The following PAQR7 variants were observed in gnomAD, a reference collection of about 807,000 sequenced individuals.
The protein encoded by PAQR7 is membrane progestin receptor alpha.
A neutral mutation model predicts 24.6 loss-of-function variants in PAQR7; 14 were observed. The ratio of observed to expected loss-of-function variants is 0.57; its 90% CI spans 0.38 to 0.89. PAQR7 has a LOEUF of 0.89. Among genes scored for constraint, PAQR7 ranks in the 40% least tolerant of loss-of-function variants. The pLI, the probability that PAQR7 is intolerant of heterozygous loss-of-function variation, is 0.00. For missense variants in PAQR7, 351 were observed against 444.0 expected (o/e 0.79, Z 1.88); for synonymous variants, 189 against 198.8 (o/e 0.95, Z 0.42).
chr1:25,863,927 G>A lies in PAQR7; in HGVS notation c.-22-66C>T. The A allele has an allele frequency of 4.6e-6, 6 of 1,293,918 alleles. No homozygotes were observed. Among genetic ancestry groups the A allele is most frequent in the Non-Finnish European group, 5.3e-6 (5 of 948,240 alleles). The allele number at this position is 1,293,918 out of a possible 1,614,324, so 80.2% of individuals were successfully genotyped here. ...TCACCCCCACGAGCAGCAGCTGGGG[G>A]GCTCTGATGCCCAAATCCTACTCCC... On this transcript the variant is annotated intron_variant, in intron 2 of 2. Transcript: ENST00000675840. This position sits in a 1 kb window ranked among gnomAD's most constrained non-coding sequence, Gnocchi z 6.1.
Position 25,862,758 on chromosome 1 carries a change from C to A in PAQR7, c.*41G>T. 8 of 1,570,296 alleles carry A rather than the reference C, an allele frequency of 5.1e-6. No individual in the cohort carries two copies. Among genetic ancestry groups the A allele is most frequent in the Non-Finnish European group, 6.9e-6 (8 of 1,152,348 alleles). ...CCTGGAGCCAAACCCAGACCCCTGT[C>A]CCCCAACTATACCTCCCTCCCTACC... On this transcript the variant is annotated 3_prime_UTR_variant, in exon 3 of 3. Coordinates refer to ENST00000675840, the MANE Select transcript of PAQR7 (RefSeq NM_178422.6).
Position 25,862,770 on chromosome 1 carries a change from C to T in PAQR7, c.*29G>A. The T allele has an allele frequency of 2.5e-6, 4 of 1,591,342 alleles. No individual in the cohort carries two copies. Among genetic ancestry groups the T allele is most frequent in the Non-Finnish European group, 3.4e-6 (4 of 1,165,850 alleles). On this transcript the variant is annotated 3_prime_UTR_variant, in exon 3 of 3. Transcript: ENST00000675840. ...CCCAGACCCCTGTCCCCCAACTATACCTCCCTCCCTACCAGATGCCATCCC... is the reference window on the plus strand; with the variant it reads ...CCCAGACCCCTGTCCCCCAACTATATCTCCCTCCCTACCAGATGCCATCCC...
At position 25,870,168 on chromosome 1, in the gene PAQR7, A is replaced by G. The variant is rs1009496388; in HGVS notation, c.-23+441T>C. Among the ~76,000 whole-genome samples the G allele has an allele frequency of 2.6e-5, 4 of 152,176 alleles. No individual in the cohort carries two copies. The East Asian group carries it at 5.8e-4, about 22-fold the overall frequency. On this transcript the variant is annotated intron_variant, in intron 2 of 2. Coordinates refer to ENST00000675840, the MANE Select transcript of PAQR7 (RefSeq NM_178422.6). ...GAGGGCACCATCAGGGCATCCTCTG[A>G]GTGGTCAGCCTCTGAGTCGTGTGCC...
At chr1:25,868,426 G>C (rs1472115896) in intron 2 of PAQR7, among the ~76,000 whole-genome samples, 1 of 152,158 alleles carries the variant, frequency 6.6e-6, no homozygotes, top group Admixed American at 6.5e-5. Context: ...ACTCTCAGAA[G>C]GGCTGGACAC....
rs183800515 is a variant in PAQR7, at chr1:25,875,132, C to T, written c.-109+356G>A. Among the ~76,000 whole-genome samples, 2 of 152,164 alleles carry T rather than the reference C, an allele frequency of 1.3e-5. No homozygotes were observed. The highest frequency in any genetic ancestry group is 2.9e-5 in the Non-Finnish European group (2 of 68,024). ...CCCTCCATCCTTCATTTTCTCCAAG[C>T]AGCCCTCCCCTCCCCTGCTCACTGG... On this transcript the variant is annotated intron_variant, in intron 1 of 2. Coordinates refer to ENST00000675840, the MANE Select transcript of PAQR7 (RefSeq NM_178422.6). The surrounding 1 kb of genome is among the most constrained non-coding windows in gnomAD (Gnocchi z 5.4).
chr1:25,874,182 C>T (rs919520630), intron 1 of PAQR7, among the ~76,000 whole-genome samples: 5 of 139,968 alleles, frequency 3.6e-5, no homozygotes, highest in African/African-American at 1.1e-4. Context: ...CATGCCCAGA[C>T]TTTTTTTTTT....
At chr1:25,873,015 C>T (rs1248018143) in intron 1 of PAQR7, among the ~76,000 whole-genome samples, 2 of 152,226 alleles carry the variant, frequency 1.3e-5, no homozygotes, top group Non-Finnish European at 2.9e-5. Flanking sequence ...AAGGGAAAGT[C>T]TAACCCCATT....
At chr1:25,874,198 T>C (rs1226577863) in intron 1 of PAQR7, among the ~76,000 whole-genome samples, 1 of 149,982 alleles carries the variant, frequency 6.7e-6, no homozygotes, top group Non-Finnish European at 1.5e-5. Context: ...TTTTTTTTTT[T>C]AAACAGGGTC....
At chr1:25,874,238 T>A (rs534806766) in intron 1 of PAQR7, among the ~76,000 whole-genome samples, 1 of 150,854 alleles carries the variant, frequency 6.6e-6, no homozygotes, top group Non-Finnish European at 1.5e-5. Flanking sequence ...TGGAGTACAG[T>A]GGCACCATCT....
intron 2 of PAQR7, among the ~76,000 whole-genome samples, chr1:25,870,347 A>C (rs909367492): frequency 1.3e-5 from 2 of 152,158 alleles, no homozygotes; most frequent in African/African-American, 4.8e-5. Flanking sequence ...AATTCACCAG[A>C]TGCTGAGCAC....
intron 1 of PAQR7, among the ~76,000 whole-genome samples, chr1:25,873,889 T>C (rs939628334): frequency 6.6e-6 from 1 of 152,112 alleles, no homozygotes; most frequent in African/African-American, 2.4e-5. Flanking sequence ...TTCTTTTCTT[T>C]TTTTATTTTT....
chr1:25,869,324 C>A (rs2048584203), intron 2 of PAQR7, among the ~76,000 whole-genome samples: 2 of 152,074 alleles, frequency 1.3e-5, no homozygotes, highest in African/African-American at 4.8e-5. Flanking sequence ...GTAATCCCAG[C>A]TCACTGGGAG....
chr1:25,865,088 G>A (rs1389829170), intron 2 of PAQR7, among the ~76,000 whole-genome samples: 17 of 151,272 alleles, frequency 1.1e-4, no homozygotes, highest in Non-Finnish European at 2.1e-4. Context: ...CCCAGGGGGC[G>A]GAGCCTGCAG....
chr1:25,864,189 T>C (rs113451173), intron 2 of PAQR7, among the ~76,000 whole-genome samples: 5 of 152,270 alleles, frequency 3.3e-5, no homozygotes, highest in South Asian at 2.1e-4. Flanking sequence ...CACCAGCTGT[T>C]TTCTCTCCTA....
In PAQR7 at chr1:25,861,771, T is replaced by G. The variant is rs997895468; in HGVS notation, c.*1028A>C. On this transcript the variant is annotated 3_prime_UTR_variant, in exon 3 of 3. Transcript: ENST00000675840. ...GGCTCATGCCGGTAATCCCAGCACT[T>G]TGGGAGGCCGAGACGGGCAGATCAC... 1.3e-5 allele frequency: 2 copies of G among 152,192 alleles called. No homozygotes were observed. The highest frequency in any genetic ancestry group is 2.4e-5 in the African/African-American group (1 of 41,334). The allele number at this position is 152,192 out of a possible 1,614,324, so 9.4% of individuals were successfully genotyped here.
At chr1:25,869,229 A>T (rs926908577) in intron 2 of PAQR7, among the ~76,000 whole-genome samples, 1 of 152,094 alleles carries the variant, frequency 6.6e-6, no homozygotes, top group African/African-American at 2.4e-5. Flanking sequence ...CTGGGAGGTA[A>T]GTACTATTCT....
chr1:25,870,324 A>G (rs1038370776), intron 2 of PAQR7, among the ~76,000 whole-genome samples: 2 of 152,080 alleles, frequency 1.3e-5, no homozygotes, highest in Non-Finnish European at 2.9e-5. Context: ...GACCTCTACT[A>G]TGGGACTGGG....
chr1:25,873,153 C>T (rs957091625), intron 1 of PAQR7, among the ~76,000 whole-genome samples: 1 of 152,212 alleles, frequency 6.6e-6, no homozygotes, highest in African/African-American at 2.4e-5. Context: ...TAGGTGCTAC[C>T]ACTCATAATA....
At chr1:25,866,622 A>T (rs1166806979) in intron 2 of PAQR7, among the ~76,000 whole-genome samples, 2 of 152,190 alleles carry the variant, frequency 1.3e-5, no homozygotes, top group African/African-American at 4.8e-5. Context: ...CCCATTTTCC[A>T]GGTAAGGAAA....
Sources: gnomAD v4.1 joint callset for allele counts (sites outside exome capture counted in the v4.1 genomes callset) on GRCh38, gnomAD v4.1.1 for gene constraint, Gnocchi (gnomAD v3.1) non-coding constraint, MANE v1.5 for transcripts, NCBI Gene and HGNC (gene_info 2026-07-23, HGNC 2026-07-21) for gene names.